ZMYND8: variants seen among roughly 807,000 people sequenced by gnomAD.
The protein encoded by ZMYND8 is zinc finger MYND-type containing 8.
Under a neutral mutation model 140.8 loss-of-function variants are expected in ZMYND8, and 37 were observed. The ratio of observed to expected loss-of-function variants is 0.26; its 90% confidence interval spans 0.20 to 0.35. The LOEUF is 0.35. ZMYND8 is among the 10% of genes least tolerant of loss of function. The pLI is 1.00. For synonymous variants in ZMYND8, 592 were observed against 597.1 expected (o/e 0.99, Z 0.12); for missense variants, 1,068 against 1,570.0 (o/e 0.68, Z 5.40).
At chr20:47,258,799 T>G (rs550347253) in intron 12 of ZMYND8, among the ~76,000 whole-genome samples, 8 of 152,236 alleles carry the variant, frequency 5.3e-5, no homozygotes, top group African/African-American at 1.7e-4. Context: ...AACATTGCCC[T>G]GCTTGTTCTG....
intron 16 of ZMYND8, among the ~76,000 whole-genome samples, chr20:47,235,229 G>A (rs1285087159): frequency 6.6e-6 from 1 of 152,180 alleles, no homozygotes; most frequent in Admixed American, 6.5e-5. Flanking sequence ...GCCAGGCATT[G>A]TTCTAGGCCT....
intron 2 of ZMYND8, chr20:47,319,109 T>A (rs748253359): frequency 5.4e-4 from 651 of 1,204,822 alleles, no homozygotes; most frequent in Non-Finnish European, 6.9e-4. Context: ...GAGTCACCAC[T>A]TACCAGGCCA....
chr20:47,211,360 C>CGT (rs2035230806), intron 22 of ZMYND8, among the ~76,000 whole-genome samples: 1 of 152,098 alleles, frequency 6.6e-6, no homozygotes, highest in African/African-American at 2.4e-5. Flanking sequence ...TGAAAAATGG[C>CGT]CTTACAACCA....
chr20:47,271,704 G>A (rs2075957488), intron 11 of ZMYND8, among the ~76,000 whole-genome samples: 1 of 152,214 alleles, frequency 6.6e-6, no homozygotes, highest in Non-Finnish European at 1.5e-5. Flanking sequence ...CGATTGAGAT[G>A]GAGTCTCGCT....
chr20:47,226,693 C>T (rs1189895571), intron 18 of ZMYND8, among the ~76,000 whole-genome samples: 3 of 152,126 alleles, frequency 2.0e-5, no homozygotes, highest in Admixed American at 1.3e-4. Flanking sequence ...ATAACAGATC[C>T]CTTTATCACA....
intron 12 of ZMYND8, among the ~76,000 whole-genome samples, chr20:47,255,930 G>A (rs1215903461): frequency 4.0e-5 from 6 of 149,964 alleles, no homozygotes; most frequent in Admixed American, 2.0e-4. Flanking sequence ...AAAATTAGCC[G>A]GGCATGGTGG....
intron 21 of ZMYND8, among the ~76,000 whole-genome samples, chr20:47,217,616 C>G (rs1002997948): frequency 1.3e-5 from 1 of 74,518 alleles, no homozygotes; most frequent in African/African-American, 3.9e-5. Flanking sequence ...CTGGAGAGAT[C>G]TGAACTGAAG....
At chr20:47,213,390 C>T (rs1217208118) in intron 21 of ZMYND8, among the ~76,000 whole-genome samples, 1 of 152,162 alleles carries the variant, frequency 6.6e-6, no homozygotes, top group Non-Finnish European at 1.5e-5. Context: ...AAAATAGAAA[C>T]TCCAGGAAAA....
chr20:47,293,706 T>C (rs1253911392), intron 5 of ZMYND8, among the ~76,000 whole-genome samples: 1 of 152,238 alleles, frequency 6.6e-6, no homozygotes, highest in South Asian at 2.1e-4. Context: ...GAGGTTTCAC[T>C]TTGCAACCAG....
At chr20:47,303,414 T>C (rs2078228188) in intron 3 of ZMYND8, among the ~76,000 whole-genome samples, 1 of 151,862 alleles carries the variant, frequency 6.6e-6, no homozygotes, top group South Asian at 2.1e-4. Context: ...ATAGGAAGAG[T>C]TGTTAAGAAG....
At chr20:47,354,569 C>T (rs2083065034) in intron 1 of ZMYND8, 1 of 152,214 alleles carries the variant, frequency 6.6e-6, no homozygotes, top group Admixed American at 6.5e-5. Context: ...ACAGACTTTT[C>T]TCAACTTAGA....
chr20:47,236,262 G>A (rs1433102904), intron 16 of ZMYND8, 64 bp downstream of exon 16: 15 of 1,603,618 alleles, frequency 9.4e-6, no homozygotes, highest in African/African-American at 1.3e-5. Flanking sequence ...CCCCTCGGGA[G>A]ACCAAGATTC....
chr20:47,347,886 C>T lies in ZMYND8; in HGVS notation c.55G>A (p.Glu19Lys). 1 of 1,614,000 alleles carries T rather than the reference C, an allele frequency of 6.2e-7. No homozygotes were observed. Among genetic ancestry groups the T allele is most frequent in the Non-Finnish European group, 8.5e-7 (1 of 1,180,026 alleles). ...EEIKTEQEVV[E>K]GMDISTRSKD... ...GAGCGAGTAGAGATATCCATGCCCTCTACCACCTCCTGTTCTGTTTTTATT... is the reference window on the plus strand; with the variant it reads ...GAGCGAGTAGAGATATCCATGCCCTTTACCACCTCCTGTTCTGTTTTTATT... The change falls in exon 2 of 23, where the codon GAG becomes AAG. Residue 19 changes from glutamate (E) to lysine (K), a missense_variant. Physicochemically the swap from Glu to Lys is moderately conservative, Grantham distance 56. Coordinates refer to ENST00000471951, the MANE Select transcript of ZMYND8 (RefSeq NM_001281775.3).
rs762863623 is a variant in ZMYND8, at chr20:47,276,597, G to A, written c.1197C>T (p.Leu399=). 16 of 1,613,706 alleles carry A rather than the reference G, an allele frequency of 9.9e-6. No homozygotes were observed. Among genetic ancestry groups the A allele is most frequent in the Admixed American group, 3.3e-5 (2 of 59,948 alleles). The part of the protein sequence containing the change: ...YTPNSQYQML[L]DPTNPSAGTA... ...TGCCGGCGCTGGGGTTGGTGGGATC[G>A]AGCAGCATTTGATACTGGCTGTTGG... is the stretch of plus-strand genomic sequence containing the variant. The change falls in exon 11 of 23, where the codon CTC becomes CTT. Residue 399 remains leucine (L), a synonymous_variant. Coordinates refer to ENST00000471951, the MANE Select transcript of ZMYND8 (RefSeq NM_001281775.3).
Position 47,298,899 on chromosome 20 carries a change from T to A in ZMYND8, c.283A>T (p.Thr95Ser). 6.2e-7 allele frequency: 1 copy of A among 1,614,184 alleles called. No individual in the cohort carries two copies. Among genetic ancestry groups the A allele is most frequent in the Non-Finnish European group, 8.5e-7 (1 of 1,180,038 alleles). The change falls in exon 4 of 23, where the codon ACA (threonine) becomes TCA (serine). Residue 95 changes from threonine (T) to serine (S), a missense_variant. Thr to Ser is a moderately conservative substitution (Grantham distance 58, BLOSUM62 1). Transcript: ENST00000471951. This position sits in a 1 kb window ranked among gnomAD's most constrained non-coding sequence, Gnocchi z 5.0. ...PFYYMKQPLT[T>S]DPVDVVPQDG... ...TGCGGTACAACATCAACAGGGTCTG[T>A]GGTGAGTGGCTGCTTCATATAGTAA... is the stretch of plus-strand genomic sequence containing the variant.
intron 3 of ZMYND8, among the ~76,000 whole-genome samples, chr20:47,301,925 A>G (rs1244994195): frequency 6.6e-6 from 1 of 152,046 alleles, no homozygotes; most frequent in East Asian, 1.9e-4. Flanking sequence ...TGGTGATAGT[A>G]AGTTCTCACA....
chr20:47,222,936 C>G (rs1462521830), intron 19 of ZMYND8, among the ~76,000 whole-genome samples: 1 of 152,246 alleles, frequency 6.6e-6, no homozygotes, highest in Admixed American at 6.5e-5. Flanking sequence ...TGCTTCTGCA[C>G]TGCAACAGCA....
At chr20:47,288,651 C>G (rs1409299287) in intron 7 of ZMYND8, among the ~76,000 whole-genome samples, 1 of 152,150 alleles carries the variant, frequency 6.6e-6, no homozygotes, top group African/African-American at 2.4e-5. Context: ...CCTCAGCTTC[C>G]CAAAGTGCTG....
chr20:47,284,529 C>T (rs2076806008), intron 8 of ZMYND8, among the ~76,000 whole-genome samples: 1 of 152,142 alleles, frequency 6.6e-6, no homozygotes, highest in Admixed American at 6.6e-5. Flanking sequence ...GACAGGTTCC[C>T]TCAAAGCCAC....
Sources: gnomAD v4.1 joint callset for allele counts (sites outside exome capture counted in the v4.1 genomes callset) on GRCh38, gnomAD v4.1.1 for gene constraint, Gnocchi (gnomAD v3.1) non-coding constraint, MANE v1.5 for transcripts, NCBI Gene and HGNC (gene_info 2026-07-23, HGNC 2026-07-21) for gene names.